MTX2: variants seen among roughly 807,000 people sequenced by gnomAD.
MTX2 encodes metaxin 2, also known as metaxin-2.
Under a neutral mutation model 42.3 loss-of-function variants are expected in MTX2, and 35 were observed. The ratio of observed to expected loss-of-function variants is 0.83; its 90% CI spans 0.63 to 1.10. The LOEUF (loss-of-function observed/expected upper bound fraction) is 1.10. MTX2 is among the 50% of genes least tolerant of loss of function. The probability of loss-of-function intolerance (pLI) is 0.00; values close to 1 mark genes in which losing one functional copy is unlikely to be tolerated. For missense variants in MTX2, 307 were observed against 304.1 expected (o/e 1.01, Z -0.07); for synonymous variants, 119 against 100.9 (o/e 1.18, Z -1.08).
intron 4 of MTX2, among the ~76,000 whole-genome samples, chr2:176,325,185 G>T (rs1479560513): frequency 6.6e-6 from 1 of 151,690 alleles, no homozygotes; most frequent in Non-Finnish European, 1.5e-5. Flanking sequence ...CTGCCAACTT[G>T]TTTGGCAACA....
chr2:176,311,115 A>G (rs748623639), intron 3 of MTX2, among the ~76,000 whole-genome samples: 7 of 152,052 alleles, frequency 4.6e-5, no homozygotes, highest in Non-Finnish European at 8.8e-5. Context: ...TGTTGATGGT[A>G]TTCCTTTCTG....
intron 3 of MTX2, among the ~76,000 whole-genome samples, chr2:176,305,747 C>T (rs115426550): frequency 0.027 from 4,032 of 151,918 alleles, 161 homozygotes; most frequent in African/African-American, 0.092. Flanking sequence ...CTCAAATATT[C>T]CAGGAGTAGT....
At chr2:176,311,556 G>A (rs557287831) in intron 3 of MTX2, among the ~76,000 whole-genome samples, 12 of 152,298 alleles carry the variant, frequency 7.9e-5, no homozygotes, top group Admixed American at 1.3e-4. Flanking sequence ...AGTGGGCTCC[G>A]CCCAGTTTGA....
chr2:176,269,557 C>A lies in MTX2; in HGVS notation c.-73C>A. 1 of 1,494,136 alleles carries A rather than the reference C, an allele frequency of 6.7e-7. No homozygotes were observed. Among genetic ancestry groups the A allele is most frequent in the Non-Finnish European group, 9.0e-7 (1 of 1,115,440 alleles). 92.6% of individuals were successfully genotyped at this position (1,494,136 alleles called of 1,614,324 possible). The stretch of plus-strand genomic sequence containing the variant: ...GGCTAGGCTCGTTAACTGCCGAGAG[C>A]CTCCGGGTTTGCGGTGGAGGACGCT... On this transcript the variant is annotated 5_prime_UTR_variant, in exon 1 of 10. Transcript: ENST00000249442.
intron 1 of MTX2, among the ~76,000 whole-genome samples, chr2:176,289,743 T>C (rs925829107): frequency 7.9e-5 from 12 of 152,092 alleles, no homozygotes; most frequent in Non-Finnish European, 1.5e-5. Flanking sequence ...GGAATTTCTT[T>C]ATCATGAAAT....
chr2:176,302,872 A>G (rs1416831266), intron 3 of MTX2, among the ~76,000 whole-genome samples: 1 of 152,190 alleles, frequency 6.6e-6, no homozygotes, highest in Admixed American at 6.6e-5. Context: ...TGTATTAATT[A>G]TTGGCTAATG....
chr2:176,307,174 A>C (rs1192726025), intron 3 of MTX2, among the ~76,000 whole-genome samples: 26 of 152,160 alleles, frequency 1.7e-4, no homozygotes, highest in East Asian at 5.8e-4. Flanking sequence ...AATCCTTTTC[A>C]CATTTCTTGT....
At position 176,328,485 on chromosome 2, in the gene MTX2, T is replaced by C. The variant is rs943663536; in HGVS notation, c.378+100T>C. ...TTAAAGTTATTGAGAAATGGGAAAA[T>C]AGTCAAGTAATTCTAGAGTTGAGTT... On this transcript the variant is annotated intron_variant, in intron 6 of 9. Transcript: ENST00000249442. 2.0e-5 allele frequency: 15 copies of C among 757,698 alleles called. No homozygotes were observed. The Admixed American group carries it at 3.2e-4, about 16-fold the overall frequency. The allele number at this position is 757,698 out of a possible 1,614,324, so 46.9% of individuals were successfully genotyped here.
At chr2:176,325,543 A>G (rs1252740945) in intron 4 of MTX2, among the ~76,000 whole-genome samples, 1 of 151,760 alleles carries the variant, frequency 6.6e-6, no homozygotes, top group Non-Finnish European at 1.5e-5. Flanking sequence ...AAAAAATACA[A>G]ACCCTTTTTT....
rs148163109 is a variant in MTX2 at position 176,337,887 on chromosome 2, G to A, written c.*223G>A. The A allele has an allele frequency of 6.0e-6, 2 of 334,662 alleles. No individual in the cohort carries two copies. Among genetic ancestry groups the A allele is most frequent in the African/African-American group, 4.2e-5 (2 of 47,094 alleles). 20.7% of individuals were successfully genotyped at this position (334,662 alleles called of 1,614,324 possible). On this transcript the variant is annotated 3_prime_UTR_variant, in exon 10 of 10. Coordinates refer to ENST00000249442, the MANE Select transcript of MTX2 (RefSeq NM_006554.5). ...TTGTATTCTGTATCTTGAAATTTTT[G>A]TTTCCTTGAAACATGCATGCATTTA...
chr2:176,329,494 A>T, intron 8 of MTX2, 68 bp downstream of exon 8: 1 of 1,393,224 alleles, frequency 7.2e-7, no homozygotes, highest in South Asian at 1.6e-5. Context: ...CTTTATATTG[A>T]TACTCCTTTA....
At chr2:176,295,521 G>A (rs905706516) in intron 1 of MTX2, among the ~76,000 whole-genome samples, 10 of 152,016 alleles carry the variant, frequency 6.6e-5, no homozygotes, top group African/African-American at 1.7e-4. Context: ...AGTCCCTTAC[G>A]TATATGTGTA....
intron 8 of MTX2, 88 bp downstream of exon 8, chr2:176,329,514 A>G (rs185656317): frequency 4.4e-5 from 56 of 1,262,996 alleles, no homozygotes; most frequent in Non-Finnish European, 3.8e-5. Flanking sequence ...AAAAAAATAT[A>G]TATAAGATTT....
At chr2:176,296,383 T>C (rs1039655896) in intron 1 of MTX2, among the ~76,000 whole-genome samples, 1 of 152,164 alleles carries the variant, frequency 6.6e-6, no homozygotes. Flanking sequence ...GATACAGATA[T>C]ATTTGATTCT....
intron 9 of MTX2, among the ~76,000 whole-genome samples, chr2:176,333,917 A>G (rs186207222): frequency 1.7e-4 from 26 of 151,858 alleles, no homozygotes; most frequent in African/African-American, 5.8e-4. Context: ...AGTAGACTCT[A>G]TGATGTTCAC....
At chr2:176,323,492 TA>T (rs753345346) in intron 4 of MTX2, 28 bp downstream of exon 4, 1 of 1,576,762 alleles carries the variant, frequency 6.3e-7, no homozygotes, top group Non-Finnish European at 8.7e-7. Flanking sequence ...TCTTCTCTGT[TA>T]ATATTATGGA....
At chr2:176,283,947 A>G (rs936291814) in intron 1 of MTX2, among the ~76,000 whole-genome samples, 1 of 151,932 alleles carries the variant, frequency 6.6e-6, no homozygotes, top group South Asian at 2.1e-4. Flanking sequence ...AGAAAAACTC[A>G]TAGTATCAGT....
chr2:176,334,722 A>G (rs981386578), intron 9 of MTX2, among the ~76,000 whole-genome samples: 1 of 151,986 alleles, frequency 6.6e-6, no homozygotes, highest in African/African-American at 2.4e-5. Flanking sequence ...ACATCTTAGG[A>G]TGCTTTCTTT....
At chr2:176,311,353 G>GGGGTC (rs1476020381) in intron 3 of MTX2, among the ~76,000 whole-genome samples, 1 of 152,176 alleles carries the variant, frequency 6.6e-6, no homozygotes, top group East Asian at 1.9e-4. Flanking sequence ...AGGCTACACG[G>GGGGTC]GGGTCAGGGA....
Sources: gnomAD v4.1 joint callset for allele counts (sites outside exome capture counted in the v4.1 genomes callset) on GRCh38, gnomAD v4.1.1 for gene constraint, MANE v1.5 for transcripts, NCBI Gene and HGNC (gene_info 2026-07-23, HGNC 2026-07-21) for gene names.